MTUS2: variants seen among roughly 807,000 people sequenced by gnomAD.
The protein encoded by MTUS2 is microtubule associated scaffold protein 2.
In MTUS2, 40 loss-of-function variants were observed where a neutral mutation model predicts 114.1. That is an observed-to-expected ratio of 0.35 (90% CI 0.27 to 0.46). The LOEUF (loss-of-function observed/expected upper bound fraction) is 0.46, where lower values mean the gene tolerates loss of function less well. MTUS2 is among the 20% of genes least tolerant of loss of function. MTUS2 has a pLI of 1.00. For missense variants in MTUS2, 1,679 were observed against 1,705.4 expected (o/e 0.98, Z 0.27); for synonymous variants, 688 against 672.0 (o/e 1.02, Z -0.37).
intron 8 of MTUS2, among the ~76,000 whole-genome samples, chr13:29,416,864 A>C (rs1014925898): frequency 6.6e-5 from 10 of 151,900 alleles, no homozygotes; most frequent in Non-Finnish European, 2.9e-5. Flanking sequence ...TCAGTCTCTG[A>C]ATTCTAACAG....
At chr13:29,426,087 C>A (rs1250338963) in intron 8 of MTUS2, among the ~76,000 whole-genome samples, 2 of 152,170 alleles carry the variant, frequency 1.3e-5, no homozygotes, top group African/African-American at 4.8e-5. Context: ...GCCTTCCCAC[C>A]CCACCTGGCT....
At chr13:29,341,618 A>G (rs887874824) in intron 7 of MTUS2, among the ~76,000 whole-genome samples, 8 of 152,010 alleles carry the variant, frequency 5.3e-5, no homozygotes, top group African/African-American at 1.9e-4. Context: ...TGATTATTGC[A>G]TTTACTGTGC....
chr13:29,296,000 C>T (rs1488878345), intron 6 of MTUS2, among the ~76,000 whole-genome samples: 1 of 152,106 alleles, frequency 6.6e-6, no homozygotes, highest in Non-Finnish European at 1.5e-5. Context: ...GGGGACACAG[C>T]CAAACCATAT....
At chr13:29,073,987 G>A (rs539656125) in intron 4 of MTUS2, among the ~76,000 whole-genome samples, 4 of 152,122 alleles carry the variant, frequency 2.6e-5, no homozygotes, top group Non-Finnish European at 4.4e-5. Flanking sequence ...TAATCCATCC[G>A]CTCAGCCCCG....
intron 13 of MTUS2, 131 bp from the exon 14 acceptor site, chr13:29,498,287 C>G (rs1468522556): frequency 7.7e-7 from 1 of 1,294,998 alleles, no homozygotes; most frequent in South Asian, 1.4e-5. Context: ...AGCATCCTCT[C>G]TCTTTGGTGT....
At chr13:28,900,318 G>C (rs1879569970) in intron 2 of MTUS2, among the ~76,000 whole-genome samples, 1 of 152,176 alleles carries the variant, frequency 6.6e-6, no homozygotes, top group African/African-American at 2.4e-5. Context: ...GTGTATGTGT[G>C]TGTGTTCCAT....
intron 7 of MTUS2, among the ~76,000 whole-genome samples, chr13:29,336,162 C>T (rs547435622): frequency 2.5e-4 from 38 of 152,328 alleles, no homozygotes; most frequent in Non-Finnish European, 1.9e-4. Context: ...AACTCATTCT[C>T]CATCCAGTTT....
At chr13:29,295,514 A>G (rs1359689328) in intron 6 of MTUS2, among the ~76,000 whole-genome samples, 1 of 152,128 alleles carries the variant, frequency 6.6e-6, no homozygotes, top group Non-Finnish European at 1.5e-5. Context: ...TAATGAGAAC[A>G]TTTAGTATTT....
chr13:28,867,235 T>C (rs1877352485), intron 2 of MTUS2, among the ~76,000 whole-genome samples: 1 of 152,224 alleles, frequency 6.6e-6, no homozygotes, highest in Admixed American at 6.5e-5. Flanking sequence ...CTATCATTCT[T>C]ACTACTAAGC....
At chr13:29,207,283 T>G (rs536639520) in intron 5 of MTUS2, among the ~76,000 whole-genome samples, 6 of 152,320 alleles carry the variant, frequency 3.9e-5, no homozygotes, top group African/African-American at 1.4e-4. Flanking sequence ...TTTTGTATTG[T>G]GAAACTGCTG....
chr13:29,256,951 G>T (rs1897298826), intron 5 of MTUS2, among the ~76,000 whole-genome samples: 1 of 152,192 alleles, frequency 6.6e-6, no homozygotes, highest in African/African-American at 2.4e-5. Context: ...TCCTCCTGGA[G>T]GTTGCCTTCT....
intron 12 of MTUS2, among the ~76,000 whole-genome samples, chr13:29,494,798 G>A (rs1882416797): frequency 6.6e-6 from 1 of 152,098 alleles, no homozygotes; most frequent in Non-Finnish European, 1.5e-5. Context: ...CAGCACTTTG[G>A]GAGGTCGAGG....
intron 5 of MTUS2, among the ~76,000 whole-genome samples, chr13:29,104,590 C>T (rs905211845): frequency 3.3e-5 from 5 of 152,228 alleles, no homozygotes; most frequent in Admixed American, 2.0e-4. Flanking sequence ...AGATTGCCTC[C>T]TTGTAATCTT....
intron 8 of MTUS2, among the ~76,000 whole-genome samples, chr13:29,379,761 AATTGAGAAATT>A (rs1338875204): frequency 6.6e-6 from 1 of 152,214 alleles, no homozygotes; most frequent in Admixed American, 6.5e-5. Flanking sequence ...TGTAAGCCTG[AATTGAGAAATT>A]ATTGAGAAAT....
intron 7 of MTUS2, among the ~76,000 whole-genome samples, chr13:29,332,473 GTCTA>G (rs761318030): frequency 7.2e-5 from 11 of 151,850 alleles, no homozygotes; most frequent in Non-Finnish European, 1.0e-4. Flanking sequence ...CTGGCTAGTG[GTCTA>G]TCTAATTTGT....
intron 5 of MTUS2, among the ~76,000 whole-genome samples, chr13:29,221,843 T>C (rs182377811): frequency 6.6e-6 from 1 of 152,330 alleles, no homozygotes; most frequent in East Asian, 1.9e-4. Flanking sequence ...CAATATATTT[T>C]CCATAAGGTT....
At chr13:28,892,841 C>T (rs139954216) in intron 2 of MTUS2, among the ~76,000 whole-genome samples, 1 of 152,310 alleles carries the variant, frequency 6.6e-6, no homozygotes, top group African/African-American at 2.4e-5. Context: ...ATGCAAGCCA[C>T]AGGAGAAAAC....
intron 9 of MTUS2, among the ~76,000 whole-genome samples, chr13:29,474,958 T>C (rs1433165245): frequency 6.6e-6 from 1 of 152,244 alleles, no homozygotes; most frequent in East Asian, 1.9e-4. Context: ...TCTTGGCACG[T>C]GATAAATAAT....
chr13:29,256,842 C>T (rs554752082), intron 5 of MTUS2, among the ~76,000 whole-genome samples: 1 of 152,290 alleles, frequency 6.6e-6, no homozygotes, highest in Admixed American at 6.5e-5. Flanking sequence ...GGCTCATTAG[C>T]ATATCTCAAC....
Sources: allele counts gnomAD v4.1 joint callset (sites outside exome capture counted in the v4.1 genomes callset), GRCh38; gene constraint gnomAD v4.1.1; transcripts MANE v1.5; gene names NCBI Gene and HGNC (gene_info 2026-07-23, HGNC 2026-07-21).